SRGAP1: variants seen among roughly 807,000 people sequenced by gnomAD.
The protein encoded by SRGAP1 is SLIT-ROBO Rho GTPase activating protein 1.
In SRGAP1, 43 loss-of-function variants were observed where a neutral mutation model predicts 121.9. That is an observed-to-expected ratio of 0.35 (90% CI 0.28 to 0.46). The LOEUF (loss-of-function observed/expected upper bound fraction) is 0.46, where lower values mean the gene tolerates loss of function less well. Ranked by LOEUF, SRGAP1 falls within the 20% of genes least tolerant of loss-of-function variation. SRGAP1 has a pLI of 1.00. For missense variants in SRGAP1, 1,102 were observed against 1,350.9 expected (o/e 0.82, Z 2.89); for synonymous variants, 447 against 485.4 (o/e 0.92, Z 1.04).
At chr12:64,122,779 T>C (rs1267834725) in intron 18 of SRGAP1, among the ~76,000 whole-genome samples, 4 of 152,052 alleles carry the variant, frequency 2.6e-5, no homozygotes, top group Non-Finnish European at 5.9e-5. Context: ...GTGCCTGCAG[T>C]CCCGGCTACT....
intron 3 of SRGAP1, among the ~76,000 whole-genome samples, chr12:64,006,683 CAT>C (rs1394106803): frequency 6.6e-6 from 1 of 152,118 alleles, no homozygotes; most frequent in African/African-American, 2.4e-5. Context: ...TTTATCCTAT[CAT>C]GTGAGTTGTG....
intron 4 of SRGAP1, among the ~76,000 whole-genome samples, chr12:64,033,971 A>G (rs539351425): frequency 7.2e-5 from 11 of 151,996 alleles, no homozygotes; most frequent in South Asian, 6.3e-4. Context: ...GGAGGTTGCA[A>G]TGAGCCGAGA....
At chr12:63,845,246 G>A (rs1437649312) in intron 1 of SRGAP1, among the ~76,000 whole-genome samples, 1 of 152,176 alleles carries the variant, frequency 6.6e-6, no homozygotes, top group Non-Finnish European at 1.5e-5. Context: ...CTTTTTAAAT[G>A]GTAGGATTGT....
intron 21 of SRGAP1, among the ~76,000 whole-genome samples, chr12:64,138,728 T>G (rs1468539434): frequency 2.0e-5 from 3 of 152,036 alleles, no homozygotes; most frequent in African/African-American, 4.8e-5. Context: ...TTAAATGTAT[T>G]TCAATTAATT....
chr12:64,011,742 T>A (rs1019274385), intron 3 of SRGAP1, among the ~76,000 whole-genome samples: 1 of 152,152 alleles, frequency 6.6e-6, no homozygotes, highest in African/African-American at 2.4e-5. Context: ...TATAATTACA[T>A]GTAAAAATGT....
chr12:64,045,669 C>T (rs1276351134), intron 6 of SRGAP1, among the ~76,000 whole-genome samples: 1 of 152,022 alleles, frequency 6.6e-6, no homozygotes, highest in African/African-American at 2.4e-5. Flanking sequence ...CTCCTGACCT[C>T]GTGATCCACC....
At position 64,094,590 on chromosome 12, in the gene SRGAP1, G is replaced by A. The variant is rs568325480; in HGVS notation, c.1540-342G>A. 6.2e-4 allele frequency among the ~76,000 whole-genome samples: 94 copies of A among 152,264 alleles called. 1 individual carries two copies. In the South Asian group the frequency reaches 6.8e-3, roughly 11 times the overall value. ...TGGCTGAAAGGTTGTCTTTCATGATGAATATAGCGAATCAAACTGAAGATG... is the reference window on the plus strand; with the variant it reads ...TGGCTGAAAGGTTGTCTTTCATGATAAATATAGCGAATCAAACTGAAGATG... On this transcript the variant is annotated intron_variant, in intron 12 of 21. Transcript: ENST00000355086.
In SRGAP1 at chr12:64,161,910, TA is replaced by T. The variant is rs1327579539; in HGVS notation, c.*19239del. 2 of 152,338 alleles carry T rather than the reference TA, an allele frequency of 1.3e-5. No homozygotes were observed. Among genetic ancestry groups the T allele is most frequent in the Admixed American group, 1.3e-4 (2 of 15,302 alleles). 9.4% of individuals were successfully genotyped at this position (152,338 alleles called of 1,614,324 possible). Reference sequence around the variant, plus strand: ...AAGATGGGAAAGAACGGAGTACTGATACACGCTACAACATGGGTAAACTGAA... The same window carrying T: ...AAGATGGGAAAGAACGGAGTACTGATCACGCTACAACATGGGTAAACTGAA... On this transcript the variant is annotated 3_prime_UTR_variant, in exon 22 of 22. Coordinates refer to ENST00000355086, the MANE Select transcript of SRGAP1 (RefSeq NM_020762.4).
intron 8 of SRGAP1, among the ~76,000 whole-genome samples, chr12:64,068,792 T>C (rs1289639460): frequency 6.6e-6 from 1 of 151,780 alleles, no homozygotes; most frequent in African/African-American, 2.4e-5. Flanking sequence ...GGCAGATCTC[T>C]TGAGGTCAGG....
In SRGAP1 at chr12:64,043,427, C is replaced by T; in HGVS notation, c.673-20C>T. 1 of 1,601,304 alleles carries T rather than the reference C, an allele frequency of 6.2e-7. No homozygotes were observed. Among genetic ancestry groups the T allele is most frequent in the Non-Finnish European group, 8.5e-7 (1 of 1,175,956 alleles). ...ATGACTTTGCATTCTTTCCCAATGC[C>T]TGGATCTTCTTCATTCCAGAGACAA... On this transcript the variant is annotated intron_variant, in intron 5 of 21. Coordinates refer to ENST00000355086, the MANE Select transcript of SRGAP1 (RefSeq NM_020762.4).
chr12:63,930,238 C>T (rs931213741), intron 1 of SRGAP1, among the ~76,000 whole-genome samples: 10 of 150,946 alleles, frequency 6.6e-5, no homozygotes, highest in Non-Finnish European at 1.3e-4. Flanking sequence ...TGCCTATAAT[C>T]CCAGCAGTTT....
rs963493880 is a variant in SRGAP1, at chr12:64,156,957, C to T, written c.*14285C>T. ...ACCTGAGAGACCTTAACAGCTAGGC[C>T]TGCACTGCTCATGCTTTGGGACCAG... On this transcript the variant is annotated 3_prime_UTR_variant, in exon 22 of 22. Transcript: ENST00000355086. 1 of 152,114 alleles carries T rather than the reference C, an allele frequency of 6.6e-6. No individual in the cohort carries two copies. Among genetic ancestry groups the T allele is most frequent in the Non-Finnish European group, 1.5e-5 (1 of 68,042 alleles). The allele number at this position is 152,114 out of a possible 1,614,324, so 9.4% of individuals were successfully genotyped here.
chr12:63,882,637 T>C lies in SRGAP1; in HGVS notation c.67+37754T>C, dbSNP rs78236672. ...TAAAGACCAAACATAAGTTATCCATTCTAATCACTCAAAATGATTGACATT... is the reference window on the plus strand; with the variant it reads ...TAAAGACCAAACATAAGTTATCCATCCTAATCACTCAAAATGATTGACATT... On this transcript the variant is annotated intron_variant, in intron 1 of 21. Coordinates refer to ENST00000355086, the MANE Select transcript of SRGAP1 (RefSeq NM_020762.4). Among the ~76,000 whole-genome samples the C allele has an allele frequency of 2.1e-3, 326 of 152,332 alleles. 2 individuals are homozygous for C. Among genetic ancestry groups the C allele is most frequent in the African/African-American group, 7.4e-3 (309 of 41,570 alleles).
At chr12:64,079,241 A>T (rs2035793267) in intron 9 of SRGAP1, 125 bp downstream of exon 9, 3 of 989,752 alleles carry the variant, frequency 3.0e-6, no homozygotes, top group African/African-American at 3.3e-5. Context: ...GTCTACCATC[A>T]GAGTTCCTGA....
chr12:63,931,822 A>T (rs2031485374), intron 1 of SRGAP1, among the ~76,000 whole-genome samples: 1 of 152,176 alleles, frequency 6.6e-6, no homozygotes, highest in South Asian at 2.1e-4. Context: ...GCACATGGGG[A>T]TTATTTTCTA....
rs184048152 is a variant in SRGAP1 at position 64,127,692 on chromosome 12, G to C, written c.2508G>C (p.Pro836=). 3.7e-6 allele frequency: 6 copies of C among 1,614,022 alleles called. No individual in the cohort carries two copies. Among genetic ancestry groups the C allele is most frequent in the Non-Finnish European group, 5.1e-6 (6 of 1,180,026 alleles). The change falls in exon 20 of 22, where the codon CCG becomes CCC. Residue 836 remains proline, a synonymous_variant. Coordinates refer to ENST00000355086, the MANE Select transcript of SRGAP1 (RefSeq NM_020762.4). The stretch of plus-strand genomic sequence containing the variant: ...CCTCATCCAAGGACATGAACTCCCC[G>C]ACAGACCGTCATCCTGACGGCTATT... The part of the protein sequence containing the change: ...DKSSSKDMNS[P]TDRHPDGYLA...
At chr12:63,909,102 A>G (rs1565945953) in intron 1 of SRGAP1, among the ~76,000 whole-genome samples, 2 of 152,014 alleles carry the variant, frequency 1.3e-5, no homozygotes, top group South Asian at 4.2e-4. Flanking sequence ...GTTGGCCAGG[A>G]TGGTCCTGAT....
intron 1 of SRGAP1, among the ~76,000 whole-genome samples, chr12:63,934,106 T>G (rs2031575325): frequency 6.6e-6 from 1 of 152,028 alleles, no homozygotes; most frequent in Non-Finnish European, 1.5e-5. Context: ...ATAACTTTCC[T>G]AAGAGTGAAA....
At chr12:64,014,275 T>G (rs1318082874) in intron 3 of SRGAP1, among the ~76,000 whole-genome samples, 1 of 152,140 alleles carries the variant, frequency 6.6e-6, no homozygotes, top group African/African-American at 2.4e-5. Context: ...CAGACAAACT[T>G]TATATATTTC....
Sources: gnomAD v4.1 joint callset for allele counts (sites outside exome capture counted in the v4.1 genomes callset) on GRCh38, gnomAD v4.1.1 for gene constraint, MANE v1.5 for transcripts, NCBI Gene and HGNC (gene_info 2026-07-23, HGNC 2026-07-21) for gene names.